The following ZNF407 variants were observed in gnomAD, a reference collection of about 807,000 sequenced individuals.
ZNF407 encodes zinc finger protein 407.
ZNF407 carries 17 observed loss-of-function variants against 131.2 expected under a neutral mutation model. The ratio of observed to expected loss-of-function variants is 0.13; its 90% CI spans 0.09 to 0.19. The LOEUF (loss-of-function observed/expected upper bound fraction) is 0.19, where lower values mean the gene tolerates loss of function less well. ZNF407 is among the 10% of genes least tolerant of loss of function. ZNF407 has a pLI of 1.00. For missense variants in ZNF407, 2,681 were observed against 2,830.6 expected, an observed-to-expected ratio of 0.95 and a Z score of 1.20; for synonymous variants, 1,156 against 1,062.0, an observed-to-expected ratio of 1.09 and a Z score of -1.72.
rs552652 is a variant in ZNF407 at position 74,784,295 on chromosome 18, A to G, written c.4877+2793A>G. 4.6e-5 allele frequency among the ~76,000 whole-genome samples: 7 copies of G among 152,322 alleles called. 1 individual carries two copies. The highest frequency in any genetic ancestry group is 1.0e-4 in the Non-Finnish European group (7 of 68,022). ...TGCATTGCATATTATAGCAAATAGT[A>G]ATAGAAGTTAGCTAAATAGGCTGTG... is the stretch of plus-strand genomic sequence containing the variant. On this transcript the variant is annotated intron_variant, in intron 4 of 8. Coordinates refer to ENST00000299687, the MANE Select transcript of ZNF407 (RefSeq NM_017757.3).
chr18:74,994,010 G>A (rs578075277), intron 8 of ZNF407, among the ~76,000 whole-genome samples: 49 of 152,264 alleles, frequency 3.2e-4, no homozygotes, highest in African/African-American at 1.1e-3. Context: ...TGGACCCTGC[G>A]CCAGAATTTC....
intron 4 of ZNF407, among the ~76,000 whole-genome samples, chr18:74,842,285 CT>C (rs1156466023): frequency 6.6e-6 from 1 of 152,126 alleles, no homozygotes; most frequent in African/African-American, 2.4e-5. Flanking sequence ...ATTTCACTTT[CT>C]TTGTGTTGGC....
intron 3 of ZNF407, among the ~76,000 whole-genome samples, chr18:74,770,108 C>T (rs1044054797): frequency 3.3e-5 from 5 of 152,094 alleles, no homozygotes; most frequent in Admixed American, 2.6e-4. Flanking sequence ...AAGCATACAA[C>T]AAAACTTGGA....
At chr18:74,618,775 C>T (rs1983412533) in intron 1 of ZNF407, among the ~76,000 whole-genome samples, 1 of 152,098 alleles carries the variant, frequency 6.6e-6, no homozygotes, top group South Asian at 2.1e-4. Flanking sequence ...AAACTATTAA[C>T]CTTATTATAC....
intron 8 of ZNF407, among the ~76,000 whole-genome samples, chr18:75,056,741 T>C (rs924594256): frequency 5.9e-5 from 9 of 152,356 alleles, no homozygotes; most frequent in South Asian, 2.1e-4. Flanking sequence ...TCAGTTTGAC[T>C]GGCCAAACTA....
At chr18:74,945,547 C>T (rs1395101846) in intron 8 of ZNF407, among the ~76,000 whole-genome samples, 1 of 152,108 alleles carries the variant, frequency 6.6e-6, no homozygotes, top group Admixed American at 6.5e-5. Flanking sequence ...AGTTAGAATT[C>T]TAAAATAGAA....
intron 3 of ZNF407, among the ~76,000 whole-genome samples, chr18:74,717,501 A>T (rs1967922698): frequency 6.6e-6 from 1 of 152,236 alleles, no homozygotes; most frequent in African/African-American, 2.4e-5. Context: ...TTATGTATAC[A>T]GATCTAAAAA....
At chr18:74,623,239 A>T (rs1288630324) in intron 1 of ZNF407, among the ~76,000 whole-genome samples, 1 of 149,106 alleles carries the variant, frequency 6.7e-6, no homozygotes, top group East Asian at 2.0e-4. Context: ...TGCGGGTGTT[A>T]GTGTGTGTGC....
chr18:74,989,473 C>T (rs906083318), intron 8 of ZNF407, among the ~76,000 whole-genome samples: 1 of 152,146 alleles, frequency 6.6e-6, no homozygotes, highest in South Asian at 2.1e-4. Flanking sequence ...AGCATTTAAG[C>T]GAGAAAGGGC....
intron 4 of ZNF407, among the ~76,000 whole-genome samples, chr18:74,787,094 A>C (rs993774123): frequency 1.3e-5 from 2 of 152,142 alleles, no homozygotes; most frequent in Non-Finnish European, 2.9e-5. Flanking sequence ...GGTGTGAGCC[A>C]CCATGCCCAG....
chr18:74,599,459 G>A (rs1041700883), intron 1 of ZNF407, among the ~76,000 whole-genome samples: 1 of 152,218 alleles, frequency 6.6e-6, no homozygotes, highest in Non-Finnish European at 1.5e-5. Flanking sequence ...CCTTCTAGGT[G>A]TTGGAAATAG....
intron 6 of ZNF407, among the ~76,000 whole-genome samples, chr18:74,887,730 C>T (rs987633686): frequency 6.6e-6 from 1 of 152,124 alleles, no homozygotes; most frequent in African/African-American, 2.4e-5. Flanking sequence ...TAAGTGTACT[C>T]TTTCCATATT....
intron 8 of ZNF407, among the ~76,000 whole-genome samples, chr18:75,051,767 G>A (rs1364552831): frequency 6.6e-6 from 1 of 152,184 alleles, no homozygotes; most frequent in Non-Finnish European, 1.5e-5. Context: ...CCATGCTGCT[G>A]CTAGTCTGGG....
At chr18:74,688,921 T>C (rs777126738) in intron 3 of ZNF407, among the ~76,000 whole-genome samples, 31 of 152,244 alleles carry the variant, frequency 2.0e-4, no homozygotes, top group Non-Finnish European at 3.4e-4. Flanking sequence ...CTCTGCCTTC[T>C]GGGTTCAAGC....
At chr18:74,791,641 A>C (rs7232965) in intron 4 of ZNF407, among the ~76,000 whole-genome samples, 1 of 152,112 alleles carries the variant, frequency 6.6e-6, no homozygotes, top group Non-Finnish European at 1.5e-5. Flanking sequence ...TTTATTTTCA[A>C]GGGTCAGATT....
intron 6 of ZNF407, among the ~76,000 whole-genome samples, chr18:74,883,149 G>A (rs1188864962): frequency 6.6e-6 from 1 of 152,170 alleles, no homozygotes; most frequent in East Asian, 1.9e-4. Context: ...TACCATATAG[G>A]ACAGTGTCTC....
At chr18:74,960,384 A>G (rs1210307751) in intron 8 of ZNF407, among the ~76,000 whole-genome samples, 1 of 150,598 alleles carries the variant, frequency 6.6e-6, no homozygotes, top group Non-Finnish European at 1.5e-5. Context: ...GTGGAGGGAT[A>G]GGAGAAGGTC....
intron 3 of ZNF407, among the ~76,000 whole-genome samples, chr18:74,694,334 A>T (rs1967301334): frequency 6.6e-6 from 1 of 152,188 alleles, no homozygotes; most frequent in Admixed American, 6.5e-5. Flanking sequence ...TGTGAAGAAG[A>T]AGAATCATTC....
At chr18:74,989,585 T>C (rs1200775678) in intron 8 of ZNF407, among the ~76,000 whole-genome samples, 2 of 152,184 alleles carry the variant, frequency 1.3e-5, no homozygotes, top group Non-Finnish European at 2.9e-5. Flanking sequence ...CTCACACCTG[T>C]AATCCCAGCA....
Sources: allele counts gnomAD v4.1 joint callset (sites outside exome capture counted in the v4.1 genomes callset), GRCh38; gene constraint gnomAD v4.1.1; transcripts MANE v1.5; gene names NCBI Gene and HGNC (gene_info 2026-07-23, HGNC 2026-07-21).